Variants in MMP16 observed in about 807,000 individuals in gnomAD.
The protein encoded by MMP16 is matrix metalloproteinase-16.
MMP16 carries 12 observed loss-of-function variants against 67.8 expected under a neutral mutation model. That is an observed-to-expected ratio of 0.18 (90% confidence interval 0.11 to 0.29). The LOEUF is 0.29. Ranked by LOEUF, MMP16 falls within the 10% of genes least tolerant of loss-of-function variation. The pLI is 1.00. For synonymous variants in MMP16, 249 were observed against 255.9 expected (o/e 0.97, Z 0.26); for missense variants, 475 against 765.7 (o/e 0.62, Z 4.48).
intron 4 of MMP16, among the ~76,000 whole-genome samples, chr8:88,122,279 C>A (rs1208008181): frequency 6.6e-6 from 1 of 151,774 alleles, no homozygotes; most frequent in East Asian, 2.0e-4. Context: ...TAATATATAT[C>A]TTCTATCTTG....
At chr8:88,124,948 C>T (rs1417118512) in intron 4 of MMP16, among the ~76,000 whole-genome samples, 1 of 151,902 alleles carries the variant, frequency 6.6e-6, no homozygotes, top group East Asian at 1.9e-4. Flanking sequence ...AAACTAATCT[C>T]ATTAACTGGA....
intron 4 of MMP16, among the ~76,000 whole-genome samples, chr8:88,122,908 T>C (rs1470573157): frequency 1.4e-5 from 2 of 147,816 alleles, no homozygotes; most frequent in East Asian, 2.0e-4. Flanking sequence ...TCTCCCCTCC[T>C]CCCCCCACCC....
intron 1 of MMP16, among the ~76,000 whole-genome samples, chr8:88,284,355 T>A (rs1193810280): frequency 1.3e-5 from 2 of 152,200 alleles, no homozygotes; most frequent in African/African-American, 4.8e-5. Context: ...AATATGTCCA[T>A]ACCTATCATA....
intron 4 of MMP16, among the ~76,000 whole-genome samples, chr8:88,143,381 T>C (rs910170719): frequency 2.6e-5 from 4 of 152,132 alleles, no homozygotes; most frequent in African/African-American, 9.6e-5. Flanking sequence ...TTCTTCCGTA[T>C]CTTCAGCATA....
chr8:88,199,678 C>G (rs186069708), intron 1 of MMP16, among the ~76,000 whole-genome samples: 51 of 151,968 alleles, frequency 3.4e-4, no homozygotes, highest in Middle Eastern at 3.4e-3. Flanking sequence ...TTTCACTGTT[C>G]TTAAAAATAA....
rs552797550 is a variant in MMP16, at chr8:88,316,389, G to A, written c.132+10686C>T. Among the ~76,000 whole-genome samples, 7 of 152,252 alleles carry A rather than the reference G, an allele frequency of 4.6e-5. No individual in the cohort carries two copies. In the East Asian group the frequency reaches 1.4e-3, roughly 29 times the overall value. Reference sequence around the variant, plus strand: ...GGACAGACTGACTTTCTTGATAGGAGGTAATGCAGCTGGCAACTTTAAGTT... The same window carrying A: ...GGACAGACTGACTTTCTTGATAGGAAGTAATGCAGCTGGCAACTTTAAGTT... On this transcript the variant is annotated intron_variant, in intron 1 of 9. Transcript: ENST00000286614.
intron 1 of MMP16, among the ~76,000 whole-genome samples, chr8:88,242,780 T>G (rs938245294): frequency 1.3e-5 from 2 of 152,210 alleles, no homozygotes. Flanking sequence ...TAGTCACACT[T>G]TAAAATACTG....
intron 2 of MMP16, among the ~76,000 whole-genome samples, chr8:88,192,997 G>A (rs1809194266): frequency 1.3e-5 from 2 of 151,998 alleles, no homozygotes; most frequent in Admixed American, 1.3e-4. Context: ...AGAGTATGGA[G>A]GTTCCTCAAA....
intron 1 of MMP16, among the ~76,000 whole-genome samples, chr8:88,310,128 A>G (rs758509911): frequency 1.3e-4 from 20 of 152,232 alleles, no homozygotes; most frequent in Non-Finnish European, 2.6e-4. Context: ...CTGAACTAGA[A>G]CAAAGTTATT....
Position 88,309,196 on chromosome 8 carries a change from TA to T in MMP16, c.132+17878del, listed in dbSNP as rs1444294592. ...ATGTACTTAGATAAGTACACTGCAT[TA>T]TTTTTTAATTATAGAAACAACTTTT... is the stretch of plus-strand genomic sequence containing the variant. On this transcript the variant is annotated intron_variant, in intron 1 of 9. Transcript: ENST00000286614. Among the ~76,000 whole-genome samples, 6 of 152,224 alleles carry T rather than the reference TA, an allele frequency of 3.9e-5. 1 individual carries two copies. In the East Asian group the frequency reaches 1.2e-3, roughly 29 times the overall value.
chr8:88,162,934 C>G (rs1808653473), intron 4 of MMP16, among the ~76,000 whole-genome samples: 1 of 152,048 alleles, frequency 6.6e-6, no homozygotes, highest in African/African-American at 2.4e-5. Flanking sequence ...TCTCTTGTCT[C>G]AGGTAGTTCT....
chr8:88,078,435 A>G (rs1808688914), intron 6 of MMP16, among the ~76,000 whole-genome samples: 3 of 152,180 alleles, frequency 2.0e-5, no homozygotes. Context: ...TATATCCTTT[A>G]AAATTCTGGC....
chr8:88,063,595 T>C (rs1254544355), intron 7 of MMP16, among the ~76,000 whole-genome samples: 2 of 151,902 alleles, frequency 1.3e-5, no homozygotes, highest in Non-Finnish European at 2.9e-5. Flanking sequence ...CATTATATTG[T>C]TCAGATGTAC....
chr8:88,293,385 G>C (rs546290886), intron 1 of MMP16, among the ~76,000 whole-genome samples: 12 of 152,004 alleles, frequency 7.9e-5, no homozygotes, highest in African/African-American at 2.9e-4. Context: ...AAGTAGCTTT[G>C]AACTGGTAAG....
intron 1 of MMP16, among the ~76,000 whole-genome samples, chr8:88,214,262 C>T (rs1166213643): frequency 6.6e-6 from 1 of 152,140 alleles, no homozygotes; most frequent in East Asian, 1.9e-4. Flanking sequence ...TCATCTGGCT[C>T]CAAATGCAGG....
Position 88,068,704 on chromosome 8 carries a change from C to G in MMP16, c.1222+5901G>C, listed in dbSNP as rs1468038682. 2.0e-5 allele frequency among the ~76,000 whole-genome samples: 3 copies of G among 151,582 alleles called. No individual in the cohort carries two copies. In the South Asian group the frequency reaches 6.2e-4, roughly 31 times the overall value. On this transcript the variant is annotated intron_variant, in intron 7 of 9. Transcript: ENST00000286614. ...GAAATCAAGTAGTATTTTCTTTTTTCTTTCTTTGTTTTTTTGAGACAGAGT... is the reference window on the plus strand; with the variant it reads ...GAAATCAAGTAGTATTTTCTTTTTTGTTTCTTTGTTTTTTTGAGACAGAGT...
chr8:88,311,599 CAT>C (rs775606534), intron 1 of MMP16, among the ~76,000 whole-genome samples: 4 of 152,150 alleles, frequency 2.6e-5, no homozygotes, highest in Admixed American at 2.6e-4. Context: ...TTATTTATGA[CAT>C]GTCATTTTTA....
At chr8:88,061,469 C>T (rs1188143579) in intron 7 of MMP16, among the ~76,000 whole-genome samples, 1 of 151,890 alleles carries the variant, frequency 6.6e-6, no homozygotes, top group Admixed American at 6.6e-5. Context: ...GTTGGTTGTC[C>T]CTTTCAAGCA....
At chr8:88,145,467 A>C (rs1563544924) in intron 4 of MMP16, among the ~76,000 whole-genome samples, 1 of 151,972 alleles carries the variant, frequency 6.6e-6, no homozygotes, top group African/African-American at 2.4e-5. Flanking sequence ...TAATAGTAAT[A>C]GTATGGGAGA....
Sources: allele counts gnomAD v4.1 joint callset (sites outside exome capture counted in the v4.1 genomes callset), GRCh38; gene constraint gnomAD v4.1.1; transcripts MANE v1.5; gene names NCBI Gene and HGNC (gene_info 2026-07-23, HGNC 2026-07-21).